Variants in TMEM204 observed in about 807,000 individuals in gnomAD.
TMEM204 encodes the protein transmembrane protein 204.
A neutral mutation model predicts 19.4 loss-of-function variants in TMEM204; 15 were observed. The ratio of observed to expected loss-of-function variants is 0.77; its 90% confidence interval spans 0.52 to 1.19. The LOEUF is 1.19. TMEM204 is among the 50% of genes most tolerant of loss of function. The probability of loss-of-function intolerance (pLI) is 0.00; values close to 1 mark genes in which losing one functional copy is unlikely to be tolerated. For missense variants in TMEM204, 287 were observed against 321.2 expected (o/e 0.89, Z 0.81); for synonymous variants, 161 against 146.0 (o/e 1.10, Z -0.74).
chr16:1,548,616 G>T (rs556222801), intron 2 of TMEM204, among the ~76,000 whole-genome samples: 6 of 152,328 alleles, frequency 3.9e-5, no homozygotes, highest in African/African-American at 1.4e-4. Flanking sequence ...ACAGGACAAT[G>T]AGGAGAGAGG....
At chr16:1,552,253 C>T (rs943055122) in intron 2 of TMEM204, among the ~76,000 whole-genome samples, 4 of 152,160 alleles carry the variant, frequency 2.6e-5, no homozygotes, top group African/African-American at 7.2e-5. Context: ...AACCTCCTCC[C>T]GCCCTCGAGG....
At chr16:1,552,631 T>C (rs1275006442) in intron 2 of TMEM204, among the ~76,000 whole-genome samples, 6 of 150,664 alleles carry the variant, frequency 4.0e-5, no homozygotes, top group Non-Finnish European at 2.9e-5. Flanking sequence ...TTGTTAGTAT[T>C]CATTACAAAG....
intron 1 of TMEM204, among the ~76,000 whole-genome samples, chr16:1,540,200 C>T (rs1275619901): frequency 6.6e-6 from 1 of 152,202 alleles, no homozygotes; most frequent in Non-Finnish European, 1.5e-5. Flanking sequence ...AGCACCCAGC[C>T]CAAGGGCCAG....
At chr16:1,537,290 G>A (rs1160773692) in intron 1 of TMEM204, among the ~76,000 whole-genome samples, 1 of 152,224 alleles carries the variant, frequency 6.6e-6, no homozygotes, top group African/African-American at 2.4e-5. Flanking sequence ...CGGGGTTTCC[G>A]GATGTCGCTG....
At chr16:1,541,565 C>T (rs1054127248) in intron 1 of TMEM204, 1 of 909,446 alleles carries the variant, frequency 1.1e-6, no homozygotes, top group Non-Finnish European at 1.3e-6. Flanking sequence ...TGGGCTTCCC[C>T]TTCCCACCTC....
Position 1,534,564 on chromosome 16 carries a change from A to C in TMEM204, c.280+9A>C. 1 of 1,600,780 alleles carries C rather than the reference A, an allele frequency of 6.2e-7. No individual in the cohort carries two copies. The highest frequency in any genetic ancestry group is 8.5e-7 in the Non-Finnish European group (1 of 1,179,758). On this transcript the variant is annotated intron_variant, in intron 1 of 2. Coordinates refer to ENST00000566264, the MANE Select transcript of TMEM204 (RefSeq NM_024600.6). ...CCGAGGCACCGTCAAACGTAAGTCC[A>C]ATTGTTTTCCTGATGCCTTCAGCGT...
chr16:1,544,709 C>T (rs532922558), intron 2 of TMEM204, among the ~76,000 whole-genome samples: 287 of 151,696 alleles, frequency 1.9e-3, no homozygotes, highest in Admixed American at 2.9e-3. Flanking sequence ...AGTGCAGTGG[C>T]GCGATCTCGG....
chr16:1,529,290 C>CGGGCCAGGCCCTCGTGGGG (rs1443880616), upstream of TMEM204, among the ~76,000 whole-genome samples: 3 of 152,218 alleles, frequency 2.0e-5, no homozygotes, highest in Non-Finnish European at 4.4e-5. Flanking sequence ...TCCAAACCCA[C>CGGGCCAGGCCCTCGTGGGG]GGGCCAGGCC....
intron 2 of TMEM204, among the ~76,000 whole-genome samples, chr16:1,543,508 CA>C (rs749942223): frequency 6.6e-6 from 1 of 152,230 alleles, no homozygotes; most frequent in Non-Finnish European, 1.5e-5. Flanking sequence ...TGGAAGAGCA[CA>C]GGGCGTGGAG....
At position 1,551,560 on chromosome 16, in the gene TMEM204, C is replaced by T. The variant is rs751861760; in HGVS notation, c.437-3222C>T. On this transcript the variant is annotated intron_variant, in intron 2 of 2. Transcript: ENST00000566264. The surrounding 1 kb of genome is among the most constrained non-coding windows in gnomAD (Gnocchi z 4.0). ...GAGTTTCATACAGATCAGGGTGCAG[C>T]GGTGGAGGGAGGGCCGCCTGCATCA... 2.6e-5 allele frequency among the ~76,000 whole-genome samples: 4 copies of T among 152,152 alleles called. No individual in the cohort carries two copies. The highest frequency in any genetic ancestry group is 6.5e-5 in the Admixed American group (1 of 15,280).
chr16:1,544,368 G>A (rs989783154), intron 2 of TMEM204, among the ~76,000 whole-genome samples: 1 of 151,910 alleles, frequency 6.6e-6, no homozygotes, highest in Non-Finnish European at 1.5e-5. Flanking sequence ...TGTATTTTTA[G>A]TAGAGATGGG....
At chr16:1,537,810 G>A (rs547080459) in intron 1 of TMEM204, among the ~76,000 whole-genome samples, 2 of 152,196 alleles carry the variant, frequency 1.3e-5, no homozygotes, top group Non-Finnish European at 2.9e-5. Flanking sequence ...AGAGCCTGGC[G>A]CTAGCTGAGG....
At chr16:1,531,554 T>C (rs1262173118), upstream of TMEM204, 3 of 152,168 alleles carry the variant, frequency 2.0e-5, no homozygotes, top group African/African-American at 7.2e-5. This position sits in a 1 kb window ranked among gnomAD's most constrained non-coding sequence, Gnocchi z 4.7. Flanking sequence ...TGTGATGCAC[T>C]GTGGGGGAAG....
Position 1,552,947 on chromosome 16 carries a change from C to A in TMEM204, c.437-1835C>A, listed in dbSNP as rs1053525101. 1.2e-5 allele frequency: 12 copies of A among 984,662 alleles called. No homozygotes were observed. In the African/African-American group the frequency reaches 1.9e-4, roughly 16 times the overall value. 61.0% of individuals were successfully genotyped at this position (984,662 alleles called of 1,614,324 possible). On this transcript the variant is annotated intron_variant, in intron 2 of 2. Coordinates refer to ENST00000566264, the MANE Select transcript of TMEM204 (RefSeq NM_024600.6). ...CGATTATAGGCGTAAACCACTGTGC[C>A]TTGTCTAGAATGTTATTTTTAATAA...
At chr16:1,539,140 CGCCTCAG>C (rs1425482524) in intron 1 of TMEM204, among the ~76,000 whole-genome samples, 17 of 149,056 alleles carry the variant, frequency 1.1e-4, no homozygotes, top group African/African-American at 4.2e-4. Context: ...GACGGCCCCA[CGCCTCAG>C]GCCTCACCAA....
chr16:1,543,458 G>T (rs2031847805), intron 2 of TMEM204, among the ~76,000 whole-genome samples: 1 of 152,244 alleles, frequency 6.6e-6, no homozygotes, highest in Non-Finnish European at 1.5e-5. Context: ...CACTTCCCCT[G>T]GCGGGTAGGG....
At chr16:1,530,133 C>CTTT (rs922819138), upstream of TMEM204, among the ~76,000 whole-genome samples, 142 of 88,580 alleles carry the variant, frequency 1.6e-3, 4 homozygotes, top group African/African-American at 1.8e-3. Flanking sequence ...CGACGGGAAT[C>CTTT]TTTTTTTTTT....
upstream of TMEM204, among the ~76,000 whole-genome samples, chr16:1,529,503 G>A (rs1044654219): frequency 2.6e-5 from 4 of 152,226 alleles, no homozygotes; most frequent in Non-Finnish European, 5.9e-5. Flanking sequence ...TGCCCCAGGC[G>A]CAGCGTCCTG....
At chr16:1,544,560 T>C (rs1185133276) in intron 2 of TMEM204, among the ~76,000 whole-genome samples, 1 of 151,488 alleles carries the variant, frequency 6.6e-6, no homozygotes, top group Non-Finnish European at 1.5e-5. Context: ...GAACTCCTGA[T>C]CTCAGGTGAT....
Sources: allele counts gnomAD v4.1 joint callset (sites outside exome capture counted in the v4.1 genomes callset), GRCh38; gene constraint gnomAD v4.1.1; non-coding constraint Gnocchi (gnomAD v3.1); transcripts MANE v1.5; gene names NCBI Gene and HGNC (gene_info 2026-07-23, HGNC 2026-07-21).